Variants in DOCK4 observed in about 807,000 individuals in gnomAD.
DOCK4 encodes dedicator of cytokinesis 4, also known as dedicator of cytokinesis protein 4.
A neutral mutation model predicts 268.1 loss-of-function variants in DOCK4; 97 were observed. The observed-to-expected ratio is 0.36, with a 90% CI of 0.31 to 0.43. The LOEUF (loss-of-function observed/expected upper bound fraction) is 0.43. DOCK4 is among the 20% of genes least tolerant of loss of function. The probability of loss-of-function intolerance (pLI) is 1.00; values close to 1 mark genes in which losing one functional copy is unlikely to be tolerated. For missense variants in DOCK4, 2,145 were observed against 2,455.7 expected (o/e 0.87, Z 2.67); for synonymous variants, 954 against 887.2 (o/e 1.08, Z -1.34).
intron 36 of DOCK4, 50 bp from the exon 37 acceptor site, chr7:111,769,727 T>A: frequency 6.3e-7 from 1 of 1,578,432 alleles, no homozygotes. Flanking sequence ...CCAAGCCACA[T>A]TCCCTCAAAT....
chr7:112,183,356 T>A (rs1170389446), intron 1 of DOCK4, among the ~76,000 whole-genome samples: 1 of 152,094 alleles, frequency 6.6e-6, no homozygotes, highest in Non-Finnish European at 1.5e-5. Flanking sequence ...AGGACATCAA[T>A]AAAACATGGA....
chr7:111,869,434 C>T (rs1044251244), intron 21 of DOCK4, 140 bp downstream of exon 21: 4 of 769,922 alleles, frequency 5.2e-6, no homozygotes, highest in African/African-American at 1.7e-5. Flanking sequence ...CAAGCAGTCA[C>T]AAACTGATTA....
At chr7:112,197,315 T>C (rs1820536769) in intron 1 of DOCK4, among the ~76,000 whole-genome samples, 1 of 151,928 alleles carries the variant, frequency 6.6e-6, no homozygotes, top group African/African-American at 2.4e-5. Flanking sequence ...AAAAACTGTA[T>C]GTACAAATCT....
At chr7:111,832,852 T>C (rs910487314) in intron 26 of DOCK4, among the ~76,000 whole-genome samples, 6 of 152,226 alleles carry the variant, frequency 3.9e-5, no homozygotes, top group African/African-American at 1.4e-4. Flanking sequence ...GTAATATAAT[T>C]GTCCTTGGAA....
chr7:111,800,939 A>G (rs956991597), intron 30 of DOCK4, among the ~76,000 whole-genome samples: 7 of 152,196 alleles, frequency 4.6e-5, no homozygotes, highest in Non-Finnish European at 1.0e-4. Context: ...TAGTAGTGGT[A>G]AAGGTTCTCT....
chr7:112,191,744 G>A (rs1435837231), intron 1 of DOCK4, among the ~76,000 whole-genome samples: 1 of 151,892 alleles, frequency 6.6e-6, no homozygotes, highest in Non-Finnish European at 1.5e-5. Context: ...CCCTTCACAG[G>A]TGGGTCCCCT....
chr7:111,989,710 T>C (rs1562966451), intron 5 of DOCK4, among the ~76,000 whole-genome samples: 2 of 152,258 alleles, frequency 1.3e-5, no homozygotes, highest in Admixed American at 1.3e-4. Flanking sequence ...TTTAGACTTT[T>C]AAAAAGGTAA....
intron 15 of DOCK4, among the ~76,000 whole-genome samples, chr7:111,898,613 A>G (rs1790869542): frequency 6.6e-6 from 1 of 152,200 alleles, no homozygotes; most frequent in South Asian, 2.1e-4. Flanking sequence ...TGTTCAACAA[A>G]TATTTGTTTC....
intron 1 of DOCK4, among the ~76,000 whole-genome samples, chr7:112,047,555 A>C (rs1250724037): frequency 6.6e-6 from 1 of 152,242 alleles, no homozygotes; most frequent in Non-Finnish European, 1.5e-5. Context: ...TGTAAAAACT[A>C]TCATGTGATA....
At chr7:112,101,150 G>A (rs1017375916) in intron 1 of DOCK4, among the ~76,000 whole-genome samples, 7 of 152,162 alleles carry the variant, frequency 4.6e-5, no homozygotes, top group Non-Finnish European at 8.8e-5. Context: ...TCAACAACCC[G>A]TCAGAAAAAA....
At chr7:111,778,489 A>C (rs1454039184) in intron 35 of DOCK4, 120 bp from the exon 36 acceptor site, 18 of 508,740 alleles carry the variant, frequency 3.5e-5, no homozygotes, top group Non-Finnish European at 5.4e-5. Context: ...TTTTCCATGT[A>C]AATATCTCTA....
At chr7:112,144,812 A>T (rs1240447258) in intron 1 of DOCK4, among the ~76,000 whole-genome samples, 1 of 151,922 alleles carries the variant, frequency 6.6e-6, no homozygotes, top group Non-Finnish European at 1.5e-5. Context: ...TGGTATGCAC[A>T]CTCTCCTTGG....
At chr7:112,123,223 A>T (rs1288887992) in intron 1 of DOCK4, among the ~76,000 whole-genome samples, 1 of 152,180 alleles carries the variant, frequency 6.6e-6, no homozygotes, top group Non-Finnish European at 1.5e-5. Context: ...GATGGAGAAG[A>T]TCTCCTTGGT....
At chr7:112,025,109 A>G (rs1389125095) in intron 1 of DOCK4, among the ~76,000 whole-genome samples, 1 of 152,246 alleles carries the variant, frequency 6.6e-6, no homozygotes, top group Non-Finnish European at 1.5e-5. Context: ...CATTGATGAT[A>G]GTACAGATGT....
At chr7:112,183,354 A>C (rs139075470) in intron 1 of DOCK4, among the ~76,000 whole-genome samples, 56 of 152,346 alleles carry the variant, frequency 3.7e-4, no homozygotes, top group African/African-American at 1.2e-3. Flanking sequence ...GCAGGACATC[A>C]ATAAAACATG....
chr7:112,181,758 A>T (rs918108292), intron 1 of DOCK4, among the ~76,000 whole-genome samples: 1 of 152,142 alleles, frequency 6.6e-6, no homozygotes, highest in South Asian at 2.1e-4. Flanking sequence ...GAGTAACAGG[A>T]AGCAGGATCA....
intron 1 of DOCK4, among the ~76,000 whole-genome samples, chr7:112,156,746 T>A (rs2189284): frequency 0.69 from 104,905 of 152,078 alleles, 36,468 homozygotes; most frequent in East Asian, 0.85. Context: ...ATAAAGACTA[T>A]TAAAAAACCA....
intron 1 of DOCK4, among the ~76,000 whole-genome samples, chr7:112,111,254 G>T (rs1197640297): frequency 3.9e-5 from 6 of 152,166 alleles, no homozygotes; most frequent in Non-Finnish European, 7.3e-5. Context: ...CTCCAGTGGG[G>T]CAGGGAAGCC....
At chr7:111,729,493 A>G (rs1467365977) in intron 52 of DOCK4, among the ~76,000 whole-genome samples, 1 of 152,138 alleles carries the variant, frequency 6.6e-6, no homozygotes, top group Non-Finnish European at 1.5e-5. Context: ...GACTGCAGTG[A>G]GCCGTGGAGC....
Sources: gnomAD v4.1 joint callset for allele counts (sites outside exome capture counted in the v4.1 genomes callset) on GRCh38, gnomAD v4.1.1 for gene constraint, MANE v1.5 for transcripts, NCBI Gene and HGNC (gene_info 2026-07-23, HGNC 2026-07-21) for gene names.